The following RABGAP1L variants were observed in gnomAD, a reference collection of about 807,000 sequenced individuals.
RABGAP1L encodes the protein RAB GTPase activating protein 1 like.
Under a neutral mutation model 137.7 loss-of-function variants are expected in RABGAP1L, and 63 were observed. The ratio of observed to expected loss-of-function variants is 0.46; its 90% confidence interval spans 0.37 to 0.56. The LOEUF (loss-of-function observed/expected upper bound fraction) is 0.56. RABGAP1L is among the 20% of genes least tolerant of loss of function. RABGAP1L has a pLI of 0.00. For missense variants in RABGAP1L, 1,095 were observed against 1,244.0 expected (o/e 0.88, Z 1.80); for synonymous variants, 431 against 433.7 (o/e 0.99, Z 0.08).
chr1:174,610,093 T>A (rs1417117421), intron 13 of RABGAP1L, among the ~76,000 whole-genome samples: 1 of 151,394 alleles, frequency 6.6e-6, no homozygotes, highest in Non-Finnish European at 1.5e-5. Flanking sequence ...TTAGGGTACA[T>A]GTGGACAATG....
At chr1:174,636,574 T>C (rs1206728127) in intron 13 of RABGAP1L, among the ~76,000 whole-genome samples, 2 of 152,056 alleles carry the variant, frequency 1.3e-5, no homozygotes, top group African/African-American at 4.8e-5. Flanking sequence ...GCCTGTAGCT[T>C]CCTGTTTTGT....
intron 10 of RABGAP1L, among the ~76,000 whole-genome samples, chr1:174,296,081 G>T (rs1325345444): frequency 6.6e-6 from 1 of 152,140 alleles, no homozygotes; most frequent in African/African-American, 2.4e-5. Context: ...CACAGATCTG[G>T]GGGTAAAATC....
At position 174,564,851 on chromosome 1, in the gene RABGAP1L, A is replaced by G. The variant is rs553438642; in HGVS notation, c.1711-72524A>G. Among the ~76,000 whole-genome samples the G allele has an allele frequency of 7.9e-5, 12 of 152,268 alleles. 1 individual carries two copies. In the South Asian group the frequency reaches 2.5e-3, roughly 32 times the overall value. On this transcript the variant is annotated intron_variant, in intron 13 of 25. Coordinates refer to ENST00000681986, the MANE Select transcript of RABGAP1L (RefSeq NM_001366446.1). Reference sequence around the variant, plus strand: ...AATTGTTTTAAAAGTAGTATACCTGAATAAGGTGGGCCACCCTGAACACAT... The same window carrying G: ...AATTGTTTTAAAAGTAGTATACCTGGATAAGGTGGGCCACCCTGAACACAT...
Position 174,990,094 on chromosome 1 carries a change from A to G in RABGAP1L, c.*93A>G. 7.2e-7 allele frequency: 1 copy of G among 1,387,272 alleles called. No individual in the cohort carries two copies. The allele number at this position is 1,387,272 out of a possible 1,614,324, so 85.9% of individuals were successfully genotyped here. On this transcript the variant is annotated 3_prime_UTR_variant, in exon 26 of 26. Coordinates refer to ENST00000681986, the MANE Select transcript of RABGAP1L (RefSeq NM_001366446.1). ...GTGTCCCTTTGAAGGAAAGTCAAGG[A>G]GGCCAGAAAACAAGCCAGAATTTTT...
chr1:174,506,727 C>G (rs1461191496), intron 13 of RABGAP1L, among the ~76,000 whole-genome samples: 2 of 152,120 alleles, frequency 1.3e-5, no homozygotes, highest in East Asian at 3.8e-4. Context: ...AAAGTGTACA[C>G]TGCTTGGGTT....
In RABGAP1L at chr1:174,637,501, T is replaced by C. The variant is rs1375127085; in HGVS notation, c.1824+13T>C. 3.9e-6 allele frequency: 6 copies of C among 1,529,894 alleles called. No homozygotes were observed. The highest frequency in any genetic ancestry group is 4.5e-6 in the Non-Finnish European group (5 of 1,108,464). The allele number at this position is 1,529,894 out of a possible 1,614,324, so 94.8% of individuals were successfully genotyped here. ...TAAGATCTGCAAGGTAGGACTCTCT[T>C]CCTCACTTTTTCTAAATTATTTTAC... On this transcript the variant is annotated intron_variant, in intron 14 of 25. Coordinates refer to ENST00000681986, the MANE Select transcript of RABGAP1L (RefSeq NM_001366446.1).
intron 18 of RABGAP1L, among the ~76,000 whole-genome samples, chr1:174,796,938 C>T (rs916708549): frequency 7.9e-5 from 12 of 151,504 alleles, no homozygotes; most frequent in East Asian, 1.9e-4. Context: ...ACCTGGGAGG[C>T]GGAGGTTGCA....
chr1:174,168,380 G>T (rs1434679407), intron 1 of RABGAP1L, among the ~76,000 whole-genome samples: 1 of 151,888 alleles, frequency 6.6e-6, no homozygotes, highest in Non-Finnish European at 1.5e-5. Flanking sequence ...AGACAGTAGG[G>T]TTTCTGAAGT....
chr1:174,858,964 T>C (rs998447341), intron 19 of RABGAP1L, among the ~76,000 whole-genome samples: 2 of 152,018 alleles, frequency 1.3e-5, no homozygotes, highest in African/African-American at 4.8e-5. Context: ...TTGATGGGAG[T>C]GTAAATTAGT....
rs75798446 is a variant in RABGAP1L at position 174,884,636 on chromosome 1, G to A, written c.2340+72676G>A. 2.2e-4 allele frequency among the ~76,000 whole-genome samples: 33 copies of A among 152,264 alleles called. No individual in the cohort carries two copies. In the East Asian group the frequency reaches 6.4e-3, roughly 29 times the overall value. The stretch of plus-strand genomic sequence containing the variant: ...TTATAGTTGCAAGTAATAAAATCTT[G>A]TGCTATCTTAAATAAGAAAGGGATT... On this transcript the variant is annotated intron_variant, in intron 19 of 25. Coordinates refer to ENST00000681986, the MANE Select transcript of RABGAP1L (RefSeq NM_001366446.1).
At chr1:174,953,742 G>A (rs1668080696) in intron 19 of RABGAP1L, among the ~76,000 whole-genome samples, 1 of 152,212 alleles carries the variant, frequency 6.6e-6, no homozygotes, top group Non-Finnish European at 1.5e-5. Flanking sequence ...GTAATAGAAA[G>A]TATCAGCAGA....
At chr1:174,800,277 T>A (rs1285291366) in intron 18 of RABGAP1L, 2 of 1,511,236 alleles carry the variant, frequency 1.3e-6, no homozygotes, top group African/African-American at 1.4e-5. Context: ...ACCGCAGTTC[T>A]TAATATTGTG....
intron 5 of RABGAP1L, chr1:174,244,588 A>C (rs1571748663): frequency 6.6e-6 from 1 of 152,238 alleles, no homozygotes; most frequent in Non-Finnish European, 1.5e-5. Flanking sequence ...AATCTATGGC[A>C]AAAGAGTTGG....
intron 13 of RABGAP1L, among the ~76,000 whole-genome samples, chr1:174,620,075 A>G (rs1334417589): frequency 1.3e-5 from 2 of 150,818 alleles, no homozygotes; most frequent in African/African-American, 4.8e-5. Context: ...GATCAATTCA[A>G]CAAGAATAAC....
intron 14 of RABGAP1L, among the ~76,000 whole-genome samples, chr1:174,670,808 T>C (rs934185850): frequency 5.9e-5 from 9 of 152,184 alleles, no homozygotes; most frequent in African/African-American, 2.2e-4. Context: ...ATGGACTCTG[T>C]GTTGCTTCCA....
At chr1:174,833,461 T>TAG in intron 19 of RABGAP1L, among the ~76,000 whole-genome samples, 1 of 45,270 alleles carries the variant, frequency 2.2e-5, no homozygotes, top group East Asian at 0.01. Context: ...TATATATATA[T>TAG]ATATATAGTA....
chr1:174,989,973 T>G lies in RABGAP1L; in HGVS notation c.3128T>G (p.Val1043Gly), dbSNP rs1322782279. The G allele has an allele frequency of 1.9e-5, 29 of 1,547,974 alleles. No homozygotes were observed. Among genetic ancestry groups the G allele is most frequent in the Non-Finnish European group, 2.5e-5 (29 of 1,144,674 alleles). Residue 1043 changes from valine (V) to glycine (G), a missense_variant, in exon 26 of 26, where the codon GTC (valine) becomes GGC (glycine). Physicochemically the swap from Val to Gly is moderately radical, Grantham distance 109. Around this residue, in one of 4 missense-constraint regions of RABGAP1L, gnomAD observed 312 missense variants for 435.6 expected, o/e 0.72. Transcript: ENST00000681986. ...TGTQPLQPAP[V>G]TQPPKEST ...ACCCAGCCATTGCAGCCAGCACCGG[T>G]CACCCAGCCACCCAAGGAGAGCACA... is the stretch of plus-strand genomic sequence containing the variant.
chr1:174,847,740 C>T (rs539959886), intron 19 of RABGAP1L, among the ~76,000 whole-genome samples: 28 of 118,716 alleles, frequency 2.4e-4, no homozygotes, highest in East Asian at 2.4e-4. Flanking sequence ...ATCTTTGTGG[C>T]GTTCTCTGTA....
chr1:174,293,476 T>C (rs1416594285), intron 10 of RABGAP1L, among the ~76,000 whole-genome samples: 1 of 152,206 alleles, frequency 6.6e-6, no homozygotes, highest in African/African-American at 2.4e-5. Context: ...ACATGCTAAC[T>C]CCACTGGCTT....
Sources: allele counts gnomAD v4.1 joint callset (sites outside exome capture counted in the v4.1 genomes callset), GRCh38; gene constraint gnomAD v4.1.1; regional missense constraint gnomAD v4.1.1; transcripts MANE v1.5; gene names NCBI Gene and HGNC (gene_info 2026-07-23, HGNC 2026-07-21).